Variants in PROCR observed in about 807,000 individuals in gnomAD.
PROCR encodes endothelial protein C receptor.
A neutral mutation model predicts 24.2 loss-of-function variants in PROCR; 22 were observed. The ratio of observed to expected loss-of-function variants is 0.91; its 90% CI spans 0.65 to 1.30. The LOEUF is 1.30. PROCR is among the 50% of genes most tolerant of loss of function. The pLI is 0.00. For synonymous variants in PROCR, 137 were observed against 139.2 expected (o/e 0.98, Z 0.11); for missense variants, 288 against 307.7 (o/e 0.94, Z 0.48).
At chr20:35,215,162 A>C (rs772189135) in intron 1 of PROCR, among the ~76,000 whole-genome samples, 1 of 152,126 alleles carries the variant, frequency 6.6e-6, no homozygotes, top group African/African-American at 2.4e-5. Context: ...CACCCGCCTC[A>C]GCCTCCCAAA....
rs368119618 is a variant in PROCR, at chr20:35,176,370, G to C, written c.525G>C (p.Arg175=). 3.1e-6 allele frequency: 5 copies of C among 1,614,250 alleles called. No individual in the cohort carries two copies. In the African/African-American group the frequency reaches 6.7e-5, roughly 22 times the overall value. ...LQQLNAYNRT[R]YELREFLEDT... ...AGCTCAATGCCTACAACCGCACTCG[G>C]TATGAACTGCGGGAATTCCTGGAGG... Residue 175 remains arginine, a synonymous_variant, in exon 3 of 4, where the codon CGG becomes CGC. Transcript: ENST00000216968.
upstream of PROCR, chr20:35,172,065 G>A (rs533781627): frequency 4.1e-6 from 5 of 1,216,626 alleles, no homozygotes; most frequent in South Asian, 4.8e-5. Flanking sequence ...CCTCCCAGAC[G>A]GTCCTCACTT....
chr20:35,215,996 G>A (rs1246644165), exon 2 of PROCR: 32 of 436,648 alleles, frequency 7.3e-5, no homozygotes, highest in Non-Finnish European at 8.5e-5. Context: ...TTGGGAGTTC[G>A]AGACCAGCAT....
downstream of PROCR, among the ~76,000 whole-genome samples, chr20:35,179,088 C>T (rs1264525350): frequency 6.6e-6 from 1 of 150,768 alleles, no homozygotes; most frequent in Admixed American, 6.6e-5. Context: ...AAAAAATTAG[C>T]CGGGCATGGT....
downstream of PROCR, among the ~76,000 whole-genome samples, chr20:35,180,891 G>C (rs1349742591): frequency 1.3e-5 from 2 of 152,012 alleles, no homozygotes; most frequent in Non-Finnish European, 2.9e-5. Context: ...TTTTGAGACA[G>C]AGTCTCTCTC....
chr20:35,191,028 T>G (rs911714531), intron 1 of PROCR, among the ~76,000 whole-genome samples: 12 of 151,992 alleles, frequency 7.9e-5, no homozygotes, highest in African/African-American at 2.9e-4. Context: ...CCCAGCTAAT[T>G]TTCATATTTT....
At chr20:35,210,376 C>A (rs2060357518) in intron 1 of PROCR, among the ~76,000 whole-genome samples, 1 of 151,952 alleles carries the variant, frequency 6.6e-6, no homozygotes, top group African/African-American at 2.4e-5. Flanking sequence ...ATGACCTCAT[C>A]TCTATGAAAA....
At chr20:35,204,988 A>G (rs1355718808) in intron 1 of PROCR, among the ~76,000 whole-genome samples, 1 of 152,072 alleles carries the variant, frequency 6.6e-6, no homozygotes, top group East Asian at 1.9e-4. Context: ...AACATTCAAA[A>G]ATAGCCAGGC....
intron 1 of PROCR, among the ~76,000 whole-genome samples, chr20:35,173,591 G>A (rs899755717): frequency 5.3e-5 from 8 of 151,778 alleles, no homozygotes; most frequent in African/African-American, 1.9e-4. Flanking sequence ...CACCACGCCT[G>A]GCTAATATTT....
At chr20:35,184,752 AC>A (rs1337656209) in intron 1 of PROCR, among the ~76,000 whole-genome samples, 6 of 152,120 alleles carry the variant, frequency 3.9e-5, no homozygotes, top group Non-Finnish European at 7.3e-5. Context: ...TAAACCCAAG[AC>A]CTGAAACTGT....
intron 1 of PROCR, among the ~76,000 whole-genome samples, chr20:35,197,251 CT>C (rs2060301231): frequency 6.6e-6 from 1 of 152,198 alleles, no homozygotes; most frequent in African/African-American, 2.4e-5. Context: ...AGCCATCGAA[CT>C]TAGCCCAAAC....
intron 1 of PROCR, among the ~76,000 whole-genome samples, chr20:35,205,859 A>G (rs1307771050): frequency 6.9e-6 from 1 of 144,140 alleles, no homozygotes; most frequent in East Asian, 2.0e-4. Flanking sequence ...GTATACATAT[A>G]CATATGTATA....
At chr20:35,185,030 C>CAAAAAAAAAAAAAAA in intron 1 of PROCR, among the ~76,000 whole-genome samples, 1 of 104,106 alleles carries the variant, frequency 9.6e-6, no homozygotes, top group Non-Finnish European at 2.0e-5. Flanking sequence ...ATCAGTAAGA[C>CAAAAAAAAAAAAAAA]AAAAAAAAAA....
intron 1 of PROCR, among the ~76,000 whole-genome samples, chr20:35,204,770 T>C (rs1016426890): frequency 6.6e-6 from 1 of 152,054 alleles, no homozygotes; most frequent in Non-Finnish European, 1.5e-5. Context: ...AAAACTTAGC[T>C]CATTTTATGA....
chr20:35,183,268 T>A (rs1429433704), intron 1 of PROCR, among the ~76,000 whole-genome samples: 2 of 152,172 alleles, frequency 1.3e-5, no homozygotes, highest in East Asian at 3.9e-4. Flanking sequence ...ATGGGAGGTG[T>A]TTGGGTCATG....
intron 1 of PROCR, among the ~76,000 whole-genome samples, chr20:35,186,932 A>C (rs2086132750): frequency 6.6e-6 from 1 of 152,020 alleles, no homozygotes; most frequent in South Asian, 2.1e-4. Context: ...CAGCCTGGGC[A>C]ACAAAGCAAG....
At chr20:35,207,633 G>A (rs2060347402) in intron 1 of PROCR, among the ~76,000 whole-genome samples, 1 of 151,976 alleles carries the variant, frequency 6.6e-6, no homozygotes, top group Non-Finnish European at 1.5e-5. Flanking sequence ...AAGTTCAAGT[G>A]ATTCTCTGGC....
chr20:35,175,220 G>T (rs2085999648), intron 2 of PROCR, among the ~76,000 whole-genome samples: 1 of 151,902 alleles, frequency 6.6e-6, no homozygotes, highest in Non-Finnish European at 1.5e-5. Context: ...CCCTGACACC[G>T]TGACGTCGAA....
chr20:35,215,932 T>C, exon 2 of PROCR: 1 of 977,388 alleles, frequency 1.0e-6, no homozygotes, highest in Non-Finnish European at 1.2e-6. Flanking sequence ...GCGCAGTGGC[T>C]CACTCCTGTA....
Sources: allele counts gnomAD v4.1 joint callset (sites outside exome capture counted in the v4.1 genomes callset), GRCh38; gene constraint gnomAD v4.1.1; transcripts MANE v1.5; gene names NCBI Gene and HGNC (gene_info 2026-07-23, HGNC 2026-07-21).